The following EYA2 variants were observed in gnomAD, a reference collection of about 807,000 sequenced individuals.
EYA2 encodes the protein protein phosphatase EYA2.
Under a neutral mutation model 69.2 loss-of-function variants are expected in EYA2, and 31 were observed. That is an observed-to-expected ratio of 0.45 (90% CI 0.34 to 0.60). The LOEUF is 0.60. Among genes scored for constraint, EYA2 ranks in the 20% least tolerant of loss-of-function variants. EYA2 has a pLI of 0.02. For synonymous variants in EYA2, 257 were observed against 279.4 expected (o/e 0.92, Z 0.80); for missense variants, 622 against 701.2 (o/e 0.89, Z 1.28).
chr20:46,981,831 A>G (rs1980852905), intron 1 of EYA2, among the ~76,000 whole-genome samples: 1 of 152,116 alleles, frequency 6.6e-6, no homozygotes, highest in Admixed American at 6.5e-5. Context: ...ATAAGCATGT[A>G]GTTAGGTTTT....
intron 1 of EYA2, among the ~76,000 whole-genome samples, chr20:46,929,036 A>G (rs1985539495): frequency 6.6e-6 from 1 of 152,140 alleles, no homozygotes; most frequent in Admixed American, 6.5e-5. Context: ...TAAGGAGAGA[A>G]ACTTGCAAGA....
At chr20:47,089,445 TG>T in intron 8 of EYA2, 64 bp downstream of exon 8, 1 of 1,536,686 alleles carries the variant, frequency 6.5e-7, no homozygotes. Context: ...CAAACAAGAG[TG>T]GGGACAGAGT....
At chr20:47,169,959 G>A (rs2034285383) in intron 11 of EYA2, among the ~76,000 whole-genome samples, 1 of 151,996 alleles carries the variant, frequency 6.6e-6, no homozygotes, top group African/African-American at 2.4e-5. Context: ...AGGCTGGAGT[G>A]CAATGGTGTG....
chr20:46,942,832 C>A (rs57365318), intron 1 of EYA2, among the ~76,000 whole-genome samples: 98 of 152,356 alleles, frequency 6.4e-4, no homozygotes, highest in African/African-American at 2.3e-3. Context: ...ATGGCACGAT[C>A]TCGGCTCACT....
chr20:47,111,187 A>C (rs1398410826), intron 9 of EYA2, among the ~76,000 whole-genome samples: 1 of 152,204 alleles, frequency 6.6e-6, no homozygotes, highest in Non-Finnish European at 1.5e-5. Context: ...GAAATTGGTA[A>C]AATACCTGGT....
At chr20:46,896,155 C>T (rs1206955567) in intron 1 of EYA2, among the ~76,000 whole-genome samples, 3 of 152,118 alleles carry the variant, frequency 2.0e-5, no homozygotes, top group African/African-American at 4.8e-5. Flanking sequence ...GGCGGAGGGG[C>T]AGGAGGATGA....
intron 1 of EYA2, among the ~76,000 whole-genome samples, chr20:46,979,021 G>A (rs1373960209): frequency 6.6e-6 from 1 of 152,262 alleles, no homozygotes; most frequent in Non-Finnish European, 1.5e-5. Context: ...GCCTGTGATT[G>A]AAGTCAGCAG....
At chr20:47,097,553 G>A (rs2298002) in intron 9 of EYA2, among the ~76,000 whole-genome samples, 85,567 of 151,978 alleles carry the variant, frequency 0.56, 24,887 homozygotes, top group Middle Eastern at 0.67. Context: ...TAGTGTCTCC[G>A]GCAGATGAAT....
chr20:46,936,609 A>G (rs755205567), intron 1 of EYA2, among the ~76,000 whole-genome samples: 23 of 152,224 alleles, frequency 1.5e-4, no homozygotes, highest in Non-Finnish European at 2.8e-4. Flanking sequence ...CCACAAAGGC[A>G]GGTGTCTTTC....
intron 10 of EYA2, among the ~76,000 whole-genome samples, chr20:47,165,131 A>G (rs2034155701): frequency 6.6e-6 from 1 of 152,354 alleles, no homozygotes; most frequent in South Asian, 2.1e-4. Flanking sequence ...CTGAATTTCA[A>G]TATAACTATA....
At position 47,097,129 on chromosome 20, in the gene EYA2, C is replaced by G; in HGVS notation, c.849C>G (p.His283Gln). 1 of 1,611,496 alleles carries G rather than the reference C, an allele frequency of 6.2e-7. No individual in the cohort carries two copies. Among genetic ancestry groups the G allele is most frequent in the Non-Finnish European group, 8.5e-7 (1 of 1,179,060 alleles). The stretch of plus-strand genomic sequence containing the variant: ...TGGATGAGACAATAATTATTTTTCA[C>G]TCCTTACTCACGGGGACATTTGCAT... Reference protein sequence around the residue: ...WDLDETIIIFHSLLTGTFASR... With the variant: ...WDLDETIIIFQSLLTGTFASR... Residue 283 changes from histidine to glutamine, a missense_variant, in exon 9 of 16, where the codon CAC becomes CAG. His to Gln is a conservative substitution (Grantham distance 24). Coordinates refer to ENST00000327619, the MANE Select transcript of EYA2 (RefSeq NM_005244.5).
intron 12 of EYA2, 67 bp from the exon 13 acceptor site, chr20:47,179,731 G>C (rs1321135421): frequency 2.6e-6 from 3 of 1,174,426 alleles, no homozygotes; most frequent in African/African-American, 3.0e-5. Flanking sequence ...CTAGATTCCT[G>C]TTCCCTACCT....
In EYA2 at chr20:47,117,861, T is replaced by G. The variant is rs2032945566; in HGVS notation, c.888+20693T>G. ...TTCATACAGCTAGAGCTTTCCATCC[T>G]GTGACAAACACAAGCCAAAGTGCTT... is the stretch of plus-strand genomic sequence containing the variant. On this transcript the variant is annotated intron_variant, in intron 9 of 15. Coordinates refer to ENST00000327619, the MANE Select transcript of EYA2 (RefSeq NM_005244.5). Among the ~76,000 whole-genome samples the G allele has an allele frequency of 2.0e-5, 3 of 152,256 alleles. No individual in the cohort carries two copies. The South Asian group carries it at 6.2e-4, about 31-fold the overall frequency.
chr20:46,955,629 T>C (rs898757455), intron 1 of EYA2, among the ~76,000 whole-genome samples: 5 of 152,178 alleles, frequency 3.3e-5, no homozygotes, highest in Non-Finnish European at 7.4e-5. Context: ...TTAATAAATA[T>C]AAAAATCATC....
At chr20:46,947,912 T>C (rs1372797380) in intron 1 of EYA2, among the ~76,000 whole-genome samples, 4 of 151,278 alleles carry the variant, frequency 2.6e-5, no homozygotes, top group Non-Finnish European at 4.4e-5. Flanking sequence ...AAGCTAGGAG[T>C]TCCAGACCAG....
chr20:46,904,345 A>G (rs1019906101), intron 1 of EYA2, among the ~76,000 whole-genome samples: 3 of 151,966 alleles, frequency 2.0e-5, no homozygotes, highest in Non-Finnish European at 4.4e-5. Context: ...AACATTAGTA[A>G]ATTTTAATTT....
intron 1 of EYA2, among the ~76,000 whole-genome samples, chr20:46,895,235 G>A (rs570708596): frequency 6.6e-6 from 1 of 152,312 alleles, no homozygotes; most frequent in South Asian, 2.1e-4. Flanking sequence ...GTTTCCCCAT[G>A]CGCTTTGGGG....
At chr20:47,173,522 AAAAAAAAAAAC>A (rs1301811121) in intron 12 of EYA2, among the ~76,000 whole-genome samples, 3 of 151,320 alleles carry the variant, frequency 2.0e-5, no homozygotes, top group African/African-American at 7.3e-5. Flanking sequence ...AAAAAAAAAA[AAAAAAAAAAAC>A]GTGCAGGGTC....
At chr20:47,029,413 A>C (rs1984276132) in intron 5 of EYA2, among the ~76,000 whole-genome samples, 2 of 152,236 alleles carry the variant, frequency 1.3e-5, no homozygotes, top group Non-Finnish European at 2.9e-5. Context: ...CCATATTTTC[A>C]GGGCAGAAGA....
Sources: gnomAD v4.1 joint callset for allele counts (sites outside exome capture counted in the v4.1 genomes callset) on GRCh38, gnomAD v4.1.1 for gene constraint, MANE v1.5 for transcripts, NCBI Gene and HGNC (gene_info 2026-07-23, HGNC 2026-07-21) for gene names.